MFHAS1: variants seen among roughly 807,000 people sequenced by gnomAD.
The protein encoded by MFHAS1 is malignant fibrous histiocytoma-amplified sequence 1.
Under a neutral mutation model 70.4 loss-of-function variants are expected in MFHAS1, and 50 were observed. The ratio of observed to expected loss-of-function variants is 0.71; its 90% CI spans 0.57 to 0.90. The LOEUF is 0.90. MFHAS1 is among the 40% of genes least tolerant of loss of function. MFHAS1 has a pLI of 0.00. For missense variants in MFHAS1, 1,795 were observed against 1,347.6 expected (o/e 1.33, Z -5.20); for synonymous variants, 952 against 620.0 (o/e 1.54, Z -7.96).
intron 1 of MFHAS1, among the ~76,000 whole-genome samples, chr8:8,809,083 T>C (rs1806448561): frequency 6.6e-6 from 1 of 152,208 alleles, no homozygotes; most frequent in African/African-American, 2.4e-5. Context: ...GGGATCTAGG[T>C]TGCGCGCTCC....
intron 1 of MFHAS1, among the ~76,000 whole-genome samples, chr8:8,827,783 C>T (rs765821707): frequency 5.9e-5 from 9 of 152,076 alleles, no homozygotes; most frequent in East Asian, 3.8e-4. Flanking sequence ...TTTTGTGACA[C>T]GCTTTGGGGG....
In MFHAS1 at chr8:8,806,242, G is replaced by A. The variant is rs560945334; in HGVS notation, c.2999-8751C>T. On this transcript the variant is annotated intron_variant, in intron 1 of 2. Coordinates refer to ENST00000276282, the MANE Select transcript of MFHAS1 (RefSeq NM_004225.3). The stretch of plus-strand genomic sequence containing the variant: ...TCTTGGCATCTCCAGAGTCCCTGGG[G>A]AGTTTCCTTCCCCAAGTGTCCATTA... 3.3e-5 allele frequency among the ~76,000 whole-genome samples: 5 copies of A among 152,286 alleles called. No homozygotes were observed. In the South Asian group the frequency reaches 1.0e-3, roughly 32 times the overall value.
chr8:8,815,377 T>C (rs1415935534), intron 1 of MFHAS1, among the ~76,000 whole-genome samples: 3 of 152,214 alleles, frequency 2.0e-5, no homozygotes, highest in Admixed American at 2.0e-4. Context: ...TTTAAGTATA[T>C]ACCCAGTAAT....
chr8:8,841,709 C>A (rs1807832820), intron 1 of MFHAS1, among the ~76,000 whole-genome samples: 2 of 152,092 alleles, frequency 1.3e-5, no homozygotes, highest in African/African-American at 2.4e-5. Flanking sequence ...AAGCCAGCCC[C>A]TGGTTATACT....
At chr8:8,850,078 A>G (rs1481275092) in intron 1 of MFHAS1, among the ~76,000 whole-genome samples, 1 of 152,222 alleles carries the variant, frequency 6.6e-6, no homozygotes, top group African/African-American at 2.4e-5. Flanking sequence ...ATAATTTTGT[A>G]TGATTCTTGA....
At chr8:8,845,458 C>G (rs887504083) in intron 1 of MFHAS1, among the ~76,000 whole-genome samples, 3 of 152,102 alleles carry the variant, frequency 2.0e-5, no homozygotes, top group African/African-American at 7.2e-5. Flanking sequence ...GACCCAGGAG[C>G]AGAAGATTAT....
At chr8:8,798,126 A>T (rs1362451343) in intron 1 of MFHAS1, among the ~76,000 whole-genome samples, 1 of 152,196 alleles carries the variant, frequency 6.6e-6, no homozygotes, top group Non-Finnish European at 1.5e-5. Context: ...ACTTAAAGGA[A>T]CGCTATTACT....
At chr8:8,873,336 A>C (rs1376617477) in intron 1 of MFHAS1, among the ~76,000 whole-genome samples, 1 of 152,194 alleles carries the variant, frequency 6.6e-6, no homozygotes. Flanking sequence ...GAAGGATTTT[A>C]AAGACCAAAC....
At chr8:8,797,244 C>T in intron 2 of MFHAS1, 121 bp downstream of exon 2, 1 of 1,048,514 alleles carries the variant, frequency 9.5e-7, no homozygotes, top group Admixed American at 2.8e-5. Flanking sequence ...AGAATTATGT[C>T]TGTTCAGGAG....
At chr8:8,888,983 G>A (rs1192711112) in intron 1 of MFHAS1, among the ~76,000 whole-genome samples, 1 of 126,894 alleles carries the variant, frequency 7.9e-6, no homozygotes, top group Non-Finnish European at 1.6e-5. Flanking sequence ...CTTCTGTTCA[G>A]TTTTGCTATA....
chr8:8,851,159 T>A (rs1461221854), intron 1 of MFHAS1, among the ~76,000 whole-genome samples: 1 of 152,238 alleles, frequency 6.6e-6, no homozygotes, highest in Non-Finnish European at 1.5e-5. Flanking sequence ...TTCCTAACCC[T>A]TGGTGGTTTT....
At chr8:8,802,339 G>C (rs1806108580) in intron 1 of MFHAS1, among the ~76,000 whole-genome samples, 1 of 152,088 alleles carries the variant, frequency 6.6e-6, no homozygotes, top group Non-Finnish European at 1.5e-5. Context: ...GTTTAAATTA[G>C]GTAACACATA....
intron 1 of MFHAS1, among the ~76,000 whole-genome samples, chr8:8,876,526 G>A (rs1035309119): frequency 5.3e-5 from 8 of 152,030 alleles, no homozygotes; most frequent in Non-Finnish European, 8.8e-5. Context: ...CCTCAGGTCA[G>A]CAGTTCGAGA....
intron 1 of MFHAS1, among the ~76,000 whole-genome samples, chr8:8,801,970 G>A (rs1016525162): frequency 2.6e-5 from 4 of 152,208 alleles, no homozygotes; most frequent in African/African-American, 9.7e-5. Flanking sequence ...AGCAACTTTT[G>A]TTATCAGAAT....
At chr8:8,824,868 G>T (rs886644890) in intron 1 of MFHAS1, among the ~76,000 whole-genome samples, 2 of 152,214 alleles carry the variant, frequency 1.3e-5, no homozygotes, top group Admixed American at 6.5e-5. Context: ...CACAGCGATC[G>T]CACCCTGGAG....
chr8:8,890,989 G>C lies in MFHAS1; in HGVS notation c.2070C>G (p.Gly690=). The C allele has an allele frequency of 6.2e-7, 1 of 1,613,940 alleles. No individual in the cohort carries two copies. The highest frequency in any genetic ancestry group is 8.5e-7 in the Non-Finnish European group (1 of 1,179,986). Reference sequence around the variant, plus strand: ...GGTCCTCGGTCAGACCCGCCTGCAGGCCCAAGCGCGCCGAGTCCCACCAGC... The same window carrying C: ...GGTCCTCGGTCAGACCCGCCTGCAGCCCCAAGCGCGCCGAGTCCCACCAGC... ...WLSWWDSARL[G]LQAGLTEDRL... The change falls in exon 1 of 3, where the codon GGC becomes GGG. Residue 690 remains glycine (G), a synonymous_variant. Coordinates refer to ENST00000276282, the MANE Select transcript of MFHAS1 (RefSeq NM_004225.3).
chr8:8,868,021 G>C (rs904639183), intron 1 of MFHAS1, among the ~76,000 whole-genome samples: 1 of 152,026 alleles, frequency 6.6e-6, no homozygotes, highest in East Asian at 1.9e-4. Flanking sequence ...CCTCTTTCTC[G>C]CCTGAACTTC....
At chr8:8,850,896 C>T (rs1469793318) in intron 1 of MFHAS1, among the ~76,000 whole-genome samples, 7 of 151,468 alleles carry the variant, frequency 4.6e-5, no homozygotes, top group Non-Finnish European at 7.4e-5. Context: ...AACCCTTCAA[C>T]ACTCACGTAA....
At chr8:8,798,367 C>A (rs1348158022) in intron 1 of MFHAS1, among the ~76,000 whole-genome samples, 1 of 152,094 alleles carries the variant, frequency 6.6e-6, no homozygotes, top group Non-Finnish European at 1.5e-5. Context: ...GGTTTGTCAC[C>A]CAGGCTGAAG....
Sources: gnomAD v4.1 joint callset for allele counts (sites outside exome capture counted in the v4.1 genomes callset) on GRCh38, gnomAD v4.1.1 for gene constraint, MANE v1.5 for transcripts, NCBI Gene and HGNC (gene_info 2026-07-23, HGNC 2026-07-21) for gene names.